SNX30: variants seen among roughly 807,000 people sequenced by gnomAD.
SNX30 encodes sorting nexin family member 30.
SNX30 carries 24 observed loss-of-function variants against 46.4 expected under a neutral mutation model. That is an observed-to-expected ratio of 0.52 (90% CI 0.37 to 0.73). SNX30 has a LOEUF of 0.73. Ranked by LOEUF, SNX30 falls within the 30% of genes least tolerant of loss-of-function variation. SNX30 has a pLI of 0.00. For missense variants in SNX30, 533 were observed against 555.7 expected, an observed-to-expected ratio of 0.96 and a Z score of 0.41; for synonymous variants, 189 against 211.5, an observed-to-expected ratio of 0.89 and a Z score of 0.92.
upstream of SNX30, among the ~76,000 whole-genome samples, chr9:112,750,013 C>T (rs1006870144): frequency 6.6e-6 from 1 of 152,206 alleles, no homozygotes; most frequent in Non-Finnish European, 1.5e-5. Flanking sequence ...GCAAATAAAG[C>T]TGAGAATCAG....
In SNX30 at chr9:112,838,511, G is replaced by A; in HGVS notation, c.828G>A (p.Glu276=). The A allele has an allele frequency of 6.2e-7, 1 of 1,612,184 alleles. No homozygotes were observed. Among genetic ancestry groups the A allele is most frequent in the Admixed American group, 1.7e-5 (1 of 59,750 alleles). ...IIKEEIEYLV[E]LREYGPVYST... ...TTCCCTGTTCAGAGTACCTTGTGGAGCTGAGAGAATACGGGCCTGTGTACT... is the reference window on the plus strand; with the variant it reads ...TTCCCTGTTCAGAGTACCTTGTGGAACTGAGAGAATACGGGCCTGTGTACT... Residue 276 remains glutamate (E), a synonymous_variant, in exon 6 of 9, where the codon GAG becomes GAA. Transcript: ENST00000374232.
At chr9:112,772,367 C>T (rs1322243923) in intron 1 of SNX30, among the ~76,000 whole-genome samples, 1 of 152,186 alleles carries the variant, frequency 6.6e-6, no homozygotes, top group East Asian at 1.9e-4. Flanking sequence ...TCCTCCTCTC[C>T]AGGTGTGCTG....
chr9:112,758,474 C>A (rs988649610), intron 1 of SNX30, among the ~76,000 whole-genome samples: 1 of 152,154 alleles, frequency 6.6e-6, no homozygotes, highest in Non-Finnish European at 1.5e-5. Context: ...GGACCACAGA[C>A]GCGCATCACC....
intron 1 of SNX30, among the ~76,000 whole-genome samples, chr9:112,756,802 G>A (rs1210573118): frequency 6.6e-6 from 1 of 152,122 alleles, no homozygotes; most frequent in Non-Finnish European, 1.5e-5. Flanking sequence ...TCCCACGGCC[G>A]CACCCTGCGT....
intron 5 of SNX30, among the ~76,000 whole-genome samples, chr9:112,881,165 C>T (rs149962128): frequency 4.6e-5 from 7 of 152,302 alleles, no homozygotes; most frequent in Non-Finnish European, 1.0e-4. Context: ...ATCAGTGTGA[C>T]TTAGGCATGT....
downstream of SNX30, among the ~76,000 whole-genome samples, chr9:112,884,716 T>C (rs752610277): frequency 2.6e-5 from 4 of 152,238 alleles, no homozygotes; most frequent in Non-Finnish European, 5.9e-5. Context: ...CTTACCTGCA[T>C]AAGCGCTCAA....
At position 112,804,965 on chromosome 9, in the gene SNX30, A is replaced by C; in HGVS notation, c.346A>C (p.Lys116Gln). 1 of 1,589,614 alleles carries C rather than the reference A, an allele frequency of 6.3e-7. No homozygotes were observed. Among genetic ancestry groups the C allele is most frequent in the Non-Finnish European group, 8.6e-7 (1 of 1,164,044 alleles). The change falls in exon 2 of 9, where the codon AAA (lysine) becomes CAA (glutamine). Residue 116 changes from lysine (K) to glutamine (Q), a missense_variant and splice_region_variant. Lys to Gln is a moderately conservative substitution (Grantham distance 53). Around this residue, in one of 3 missense-constraint regions of SNX30, gnomAD observed 191 missense variants for 160.3 expected, o/e 1.19. Coordinates refer to ENST00000374232, the MANE Select transcript of SNX30 (RefSeq NM_001012994.2). ...TTACATCACCTATAGGATCACCACC[A>C]AAGTAGGTCCCTGTGTTATAGAATG... ...ETYITYRITT[K>Q]STRVEFDLPE...
chr9:112,764,078 A>G (rs1449766635), intron 1 of SNX30, among the ~76,000 whole-genome samples: 1 of 152,086 alleles, frequency 6.6e-6, no homozygotes, highest in Non-Finnish European at 1.5e-5. Flanking sequence ...AAAGTTATGT[A>G]TAGGGAATAA....
intron 4 of SNX30, among the ~76,000 whole-genome samples, chr9:112,833,058 C>A (rs762945440): frequency 6.6e-6 from 1 of 151,860 alleles, no homozygotes; most frequent in Non-Finnish European, 1.5e-5. Flanking sequence ...ATAAAATACA[C>A]CTAACATTTA....
intron 3 of SNX30, among the ~76,000 whole-genome samples, chr9:112,829,573 C>T (rs1047343510): frequency 6.6e-6 from 1 of 152,214 alleles, no homozygotes; most frequent in South Asian, 2.1e-4. Flanking sequence ...TGAGCCACCA[C>T]GCCCAGCCTT....
At chr9:112,838,465 C>A (rs779392997) in intron 5 of SNX30, 33 bp from the exon 6 acceptor site, 2 of 1,571,892 alleles carry the variant, frequency 1.3e-6, no homozygotes, top group Non-Finnish European at 8.7e-7. Flanking sequence ...TGCTACCCAG[C>A]CAGATTTTAA....
rs116822836 is a variant in SNX30, at chr9:112,820,913, A to C, written c.459+3098A>C. 4.5e-3 allele frequency among the ~76,000 whole-genome samples: 678 copies of C among 152,228 alleles called. 3 individuals carry two copies. Among genetic ancestry groups the C allele is most frequent in the African/African-American group, 0.016 (646 of 41,526 alleles). ...TATTCTAGTTTATGGATAATACCAC[A>C]TTTTGTCTATTCACCCTTGATGGAC... On this transcript the variant is annotated intron_variant, in intron 3 of 8. Transcript: ENST00000374232.
At chr9:112,761,622 T>A (rs1385693141) in intron 1 of SNX30, among the ~76,000 whole-genome samples, 1 of 152,114 alleles carries the variant, frequency 6.6e-6, no homozygotes, top group Non-Finnish European at 1.5e-5. Flanking sequence ...GATTTTGGTG[T>A]AGTGGGGGTG....
intron 2 of SNX30, among the ~76,000 whole-genome samples, chr9:112,806,048 G>A (rs1840219829): frequency 6.6e-6 from 1 of 152,158 alleles, no homozygotes; most frequent in Non-Finnish European, 1.5e-5. Context: ...CTTGGAACAA[G>A]GTTTCCCAAT....
intron 6 of SNX30, among the ~76,000 whole-genome samples, chr9:112,849,062 T>G (rs930300299): frequency 1.8e-4 from 27 of 151,612 alleles, no homozygotes; most frequent in African/African-American, 6.1e-4. Flanking sequence ...GGATATGTGG[T>G]TTTTTTTTCC....
downstream of SNX30, chr9:112,877,863 G>C (rs1205654557): frequency 6.6e-6 from 1 of 152,092 alleles, no homozygotes; most frequent in African/African-American, 2.4e-5. Flanking sequence ...GATTATAGGT[G>C]CACACCACCA....
At chr9:112,771,443 G>A (rs1588110518) in intron 1 of SNX30, among the ~76,000 whole-genome samples, 1 of 151,980 alleles carries the variant, frequency 6.6e-6, no homozygotes, top group African/African-American at 2.4e-5. Flanking sequence ...GGAAAAAAAC[G>A]TTAAGTTGAA....
chr9:112,834,843 AACACACACACACAC>A (rs79118828), intron 4 of SNX30, among the ~76,000 whole-genome samples: 26 of 78,414 alleles, frequency 3.3e-4, no homozygotes, highest in Admixed American at 1.5e-3. Flanking sequence ...CACACACACA[AACACACACACACAC>A]ACACACACAC....
At position 112,838,205 on chromosome 9, in the gene SNX30, G is replaced by C. The variant is rs192224725; in HGVS notation, c.815-293G>C. 4.1e-4 allele frequency among the ~76,000 whole-genome samples: 63 copies of C among 152,222 alleles called. No individual in the cohort carries two copies. The East Asian group carries it at 5.4e-3, about 13-fold the overall frequency. ...ACCAGGCCAGCGAGTGGTTATTTTC[G>C]AAGATGTTTGGTGGATGTGGCTGCT... On this transcript the variant is annotated intron_variant, in intron 5 of 8. Transcript: ENST00000374232.
Sources: gnomAD v4.1 joint callset for allele counts (sites outside exome capture counted in the v4.1 genomes callset) on GRCh38, gnomAD v4.1.1 for gene constraint, gnomAD v4.1.1 regional missense constraint, MANE v1.5 for transcripts, NCBI Gene and HGNC (gene_info 2026-07-23, HGNC 2026-07-21) for gene names.